CSMD1: variants seen among roughly 807,000 people sequenced by gnomAD.
CSMD1 encodes CUB and Sushi multiple domains 1.
In CSMD1, 213 loss-of-function variants were observed where a neutral mutation model predicts 417.5. That is an observed-to-expected ratio of 0.51 (90% CI 0.46 to 0.57). CSMD1 has a LOEUF of 0.57. Among genes scored for constraint, CSMD1 ranks in the 20% least tolerant of loss-of-function variants. The pLI is 0.00. For missense variants in CSMD1, 6,923 were observed against 4,529.7 expected (o/e 1.53, Z -15.17); for synonymous variants, 2,862 against 1,736.8 (o/e 1.65, Z -16.11).
rs539068443 is a variant in CSMD1, at chr8:4,143,104, C to A, written c.416-111005G>T. Among the ~76,000 whole-genome samples the A allele has an allele frequency of 6.1e-5, 9 of 146,578 alleles. 1 individual carries two copies. The South Asian group carries it at 6.6e-4, about 11-fold the overall frequency. Reference sequence around the variant, plus strand: ...GTGACATGATATCTTCATCTATTAACTTGGGAAACTATGGAGGATTGGAAT... The same window carrying A: ...GTGACATGATATCTTCATCTATTAAATTGGGAAACTATGGAGGATTGGAAT... On this transcript the variant is annotated intron_variant, in intron 3 of 69. Coordinates refer to ENST00000635120, the MANE Select transcript of CSMD1 (RefSeq NM_033225.6).
chr8:3,168,009 C>T (rs905397375), intron 37 of CSMD1, among the ~76,000 whole-genome samples: 4 of 151,386 alleles, frequency 2.6e-5, no homozygotes, highest in Non-Finnish European at 4.4e-5. Context: ...TTTTCCTCAA[C>T]TGTGCATGAC....
At chr8:4,666,932 C>A (rs1337007133) in intron 1 of CSMD1, among the ~76,000 whole-genome samples, 4 of 151,840 alleles carry the variant, frequency 2.6e-5, no homozygotes, top group Non-Finnish European at 1.5e-5. Flanking sequence ...AGTTCTTTGC[C>A]TCAATTTGTG....
intron 1 of CSMD1, among the ~76,000 whole-genome samples, chr8:4,825,343 G>A (rs78750245): frequency 1.3e-5 from 2 of 152,030 alleles, no homozygotes; most frequent in African/African-American, 4.8e-5. Context: ...TTTCTTGTGT[G>A]CGGTAAGAAC....
At chr8:4,889,607 A>T (rs1269570379) in intron 1 of CSMD1, among the ~76,000 whole-genome samples, 2 of 152,148 alleles carry the variant, frequency 1.3e-5, no homozygotes, top group African/African-American at 2.4e-5. Flanking sequence ...AAAAAAAACC[A>T]TAATGACTGG....
chr8:3,738,845 A>G (rs34350480), intron 6 of CSMD1, among the ~76,000 whole-genome samples: 42,702 of 152,048 alleles, frequency 0.28, 6,856 homozygotes, highest in South Asian at 0.39. Context: ...TAAAATAGGC[A>G]TCAATAAATG....
At chr8:3,901,445 A>G (rs1807745981) in intron 5 of CSMD1, among the ~76,000 whole-genome samples, 1 of 152,174 alleles carries the variant, frequency 6.6e-6, no homozygotes, top group Non-Finnish European at 1.5e-5. Context: ...GTCTTACTCT[A>G]ATGACTTCAA....
At chr8:4,514,548 C>G (rs1193958887) in intron 2 of CSMD1, among the ~76,000 whole-genome samples, 2 of 152,160 alleles carry the variant, frequency 1.3e-5, no homozygotes, top group African/African-American at 2.4e-5. Flanking sequence ...ACAACTGACG[C>G]TAATTCCAAC....
chr8:4,187,055 T>C (rs1798722294), intron 3 of CSMD1, among the ~76,000 whole-genome samples: 1 of 152,202 alleles, frequency 6.6e-6, no homozygotes, highest in East Asian at 1.9e-4. Flanking sequence ...CCCATATAAA[T>C]GTTTGCTCAA....
chr8:4,534,315 C>G (rs1009639705), intron 2 of CSMD1, among the ~76,000 whole-genome samples: 1 of 152,220 alleles, frequency 6.6e-6, no homozygotes, highest in Admixed American at 6.5e-5. Flanking sequence ...CTTTCCTTTT[C>G]TTCCCTACTC....
chr8:3,400,499 T>A (rs1025831600), intron 15 of CSMD1, among the ~76,000 whole-genome samples: 5 of 152,014 alleles, frequency 3.3e-5, no homozygotes, highest in African/African-American at 1.2e-4. Flanking sequence ...AATTTATGGA[T>A]TTACCAATAG....
At chr8:4,590,785 G>C (rs542169427) in intron 2 of CSMD1, among the ~76,000 whole-genome samples, 1 of 152,062 alleles carries the variant, frequency 6.6e-6, no homozygotes, top group Non-Finnish European at 1.5e-5. Context: ...TAAGATTTTG[G>C]AAATTTTTTT....
At chr8:3,387,016 C>T (rs889692528) in intron 18 of CSMD1, among the ~76,000 whole-genome samples, 1 of 152,172 alleles carries the variant, frequency 6.6e-6, no homozygotes, top group Non-Finnish European at 1.5e-5. Flanking sequence ...CAAAAAGCTG[C>T]TGAAGATCTC....
chr8:3,697,892 C>G (rs1585093156), intron 7 of CSMD1, among the ~76,000 whole-genome samples: 2 of 151,868 alleles, frequency 1.3e-5, no homozygotes, highest in East Asian at 3.9e-4. Context: ...AGCCATTACG[C>G]AAAGTGAGTT....
rs1798132034 is a variant in CSMD1, at chr8:4,177,746, A to T, written c.416-145647T>A. ...GATGCAATAAAAAATGATAAAGGGGATATCACCACCGATCCCACTGAAATA... is the reference window on the plus strand; with the variant it reads ...GATGCAATAAAAAATGATAAAGGGGTTATCACCACCGATCCCACTGAAATA... On this transcript the variant is annotated intron_variant, in intron 3 of 69. Transcript: ENST00000635120. Among the ~76,000 whole-genome samples, 4 of 151,272 alleles carry T rather than the reference A, an allele frequency of 2.6e-5. No individual in the cohort carries two copies. In the South Asian group the frequency reaches 8.5e-4, roughly 32 times the overall value.
intron 4 of CSMD1, among the ~76,000 whole-genome samples, chr8:4,021,429 G>A (rs138438133): frequency 3.9e-5 from 6 of 152,158 alleles, no homozygotes; most frequent in Admixed American, 1.3e-4. Flanking sequence ...TGAGTGGACA[G>A]CACTGCTCTA....
chr8:4,370,839 G>A (rs1322859764), intron 3 of CSMD1, among the ~76,000 whole-genome samples: 1 of 152,112 alleles, frequency 6.6e-6, no homozygotes, highest in East Asian at 1.9e-4. Flanking sequence ...TCATTTTATT[G>A]TTTTCCTTGG....
At chr8:3,181,577 T>A (rs1051992471) in intron 36 of CSMD1, among the ~76,000 whole-genome samples, 1 of 151,992 alleles carries the variant, frequency 6.6e-6, no homozygotes, top group Non-Finnish European at 1.5e-5. Context: ...CAGCCAAGAG[T>A]AATGAGGGTT....
intron 10 of CSMD1, among the ~76,000 whole-genome samples, chr8:3,535,157 G>C (rs1446073894): frequency 1.3e-5 from 2 of 151,736 alleles, no homozygotes; most frequent in Non-Finnish European, 2.9e-5. Context: ...TCTCACCATG[G>C]TGCCCATGCT....
chr8:3,630,832 T>G (rs1796749382), intron 7 of CSMD1, among the ~76,000 whole-genome samples: 1 of 152,160 alleles, frequency 6.6e-6, no homozygotes, highest in African/African-American at 2.4e-5. Flanking sequence ...ATTGCTGATC[T>G]CAGATCCCCA....
Sources: gnomAD v4.1 joint callset for allele counts (sites outside exome capture counted in the v4.1 genomes callset) on GRCh38, gnomAD v4.1.1 for gene constraint, MANE v1.5 for transcripts, NCBI Gene and HGNC (gene_info 2026-07-23, HGNC 2026-07-21) for gene names.